Variants in IL1RAPL2 observed in about 807,000 individuals in gnomAD.
IL1RAPL2 encodes X-linked interleukin-1 receptor accessory protein-like 2.
In IL1RAPL2, 3 loss-of-function variants were observed where a neutral mutation model predicts 44.1. The ratio of observed to expected loss-of-function variants is 0.07; its 90% confidence interval spans 0.03 to 0.18. The LOEUF is 0.18. IL1RAPL2 is among the 10% of genes least tolerant of loss of function. The pLI is 1.00. For missense variants in IL1RAPL2, 391 were observed against 496.4 expected, an observed-to-expected ratio of 0.79 and a Z score of 2.02; for synonymous variants, 181 against 178.8, an observed-to-expected ratio of 1.01 and a Z score of -0.10.
chrX:104,647,228 G>T (rs1930058784), intron 1 of IL1RAPL2: 2 of 353,939 alleles, frequency 5.7e-6, no homozygotes, highest in South Asian at 3.1e-5. Context: ...GAGGCAGGTA[G>T]GTGATGTTCT....
Position 104,829,933 on chromosome X carries a change from A to G in IL1RAPL2, c.82+170938A>G, listed in dbSNP as rs187662742. 9.7e-3 allele frequency among the ~76,000 whole-genome samples: 1,083 copies of G among 111,768 alleles called. 5 individuals carry two copies. The highest frequency in any genetic ancestry group is 0.016 in the Non-Finnish European group (836 of 53,128). ...GTTATTACTGATTTAGAGATGGAAA[A>G]ACTGAACCTCACACAGGTTAAGGAA... On this transcript the variant is annotated intron_variant, in intron 2 of 10. Transcript: ENST00000372582.
At chrX:105,090,272 G>A (rs1310077125) in intron 2 of IL1RAPL2, among the ~76,000 whole-genome samples, 1 of 111,514 alleles carries the variant, frequency 9.0e-6, no homozygotes, top group Non-Finnish European at 1.9e-5. Context: ...AAGTCCCACA[G>A]TCACTGCTCT....
chrX:105,672,939 G>A (rs1335760558), intron 6 of IL1RAPL2, among the ~76,000 whole-genome samples: 5 of 111,147 alleles, frequency 4.5e-5, no homozygotes, highest in Non-Finnish European at 7.5e-5. Context: ...GGCTTGTTCA[G>A]TAACAAGTCT....
intron 6 of IL1RAPL2, among the ~76,000 whole-genome samples, chrX:105,624,658 G>GTAA (rs1569459554): frequency 9.0e-6 from 1 of 111,309 alleles, no homozygotes; most frequent in Non-Finnish European, 1.9e-5. Flanking sequence ...AGTAGGGTTG[G>GTAA]TAATTATTAT....
intron 2 of IL1RAPL2, among the ~76,000 whole-genome samples, chrX:104,753,613 C>G (rs912822673): frequency 1.8e-5 from 2 of 111,373 alleles, no homozygotes; most frequent in African/African-American, 6.5e-5. Flanking sequence ...AATTTAAGGG[C>G]AGTAGTTTGA....
At chrX:105,613,199 GACA>G (rs2037349259) in intron 6 of IL1RAPL2, among the ~76,000 whole-genome samples, 2 of 111,455 alleles carry the variant, frequency 1.8e-5, no homozygotes, top group African/African-American at 6.5e-5. Context: ...ATCTCTCCTG[GACA>G]ACATTTCTAG....
chrX:104,927,826 T>A (rs751868601), intron 2 of IL1RAPL2, among the ~76,000 whole-genome samples: 1 of 111,706 alleles, frequency 9.0e-6, no homozygotes, highest in South Asian at 3.7e-4. Flanking sequence ...TATTACCTTT[T>A]TAGGAAACAT....
At chrX:104,720,935 A>G (rs1181868470) in intron 2 of IL1RAPL2, among the ~76,000 whole-genome samples, 1 of 111,419 alleles carries the variant, frequency 9.0e-6, no homozygotes, top group Non-Finnish European at 1.9e-5. Flanking sequence ...AAAAGTCTCA[A>G]CATAACTGAT....
chrX:105,023,321 A>G (rs959116493), intron 2 of IL1RAPL2, among the ~76,000 whole-genome samples: 5 of 111,242 alleles, frequency 4.5e-5, no homozygotes, highest in Admixed American at 9.6e-5. Flanking sequence ...TATTTTGGCC[A>G]AAGGTCTTAT....
chrX:105,050,014 A>C (rs1301008682), intron 2 of IL1RAPL2, among the ~76,000 whole-genome samples: 4 of 112,228 alleles, frequency 3.6e-5, no homozygotes. Flanking sequence ...CTAAAAATGC[A>C]ACACAGACTG....
At chrX:104,802,628 T>C (rs1339601481) in intron 2 of IL1RAPL2, among the ~76,000 whole-genome samples, 4 of 112,117 alleles carry the variant, frequency 3.6e-5, no homozygotes, top group Non-Finnish European at 7.5e-5. Context: ...CAGCAGTATT[T>C]TTCTATGTTT....
chrX:104,566,719 G>T lies in IL1RAPL2; in HGVS notation c.-352G>T, dbSNP rs1350987375. 8.8e-6 allele frequency: 1 copy of T among 113,119 alleles called. No homozygotes were observed. Among genetic ancestry groups the T allele is most frequent in the South Asian group, 3.6e-4 (1 of 2,752 alleles). 9.3% of individuals were successfully genotyped at this position (113,119 alleles called of 1,213,427 possible). On this transcript the variant is annotated 5_prime_UTR_variant, in exon 1 of 11. Transcript: ENST00000372582. ...GGCAGCATCTGCCATTCTAACTACG[G>T]AGCTGAGTAATTTAGAAACCCTCCT...
intron 6 of IL1RAPL2, among the ~76,000 whole-genome samples, chrX:105,648,905 G>T (rs2037624997): frequency 9.0e-6 from 1 of 111,312 alleles, no homozygotes; most frequent in Non-Finnish European, 1.9e-5. Context: ...TGGTCGCAGA[G>T]CCCTAGGCTG....
intron 2 of IL1RAPL2, among the ~76,000 whole-genome samples, chrX:105,191,973 C>T (rs1348761622): frequency 9.0e-6 from 1 of 111,661 alleles, no homozygotes; most frequent in Non-Finnish European, 1.9e-5. Context: ...CTGCAAGGAG[C>T]TTGCTTAAAT....
chrX:104,585,351 ATT>A (rs1374147613), intron 1 of IL1RAPL2, among the ~76,000 whole-genome samples: 10 of 12,716 alleles, frequency 7.9e-4, no homozygotes, highest in Non-Finnish European at 1.0e-3. Context: ...TATTATATAT[ATT>A]ATATATATTA....
Position 105,685,521 on chromosome X carries a change from G to A in IL1RAPL2, c.773-31846G>A, listed in dbSNP as rs573160498. On this transcript the variant is annotated intron_variant, in intron 6 of 10. Transcript: ENST00000372582. ...TTAGAGAAAAAGAGTAAAAAGAAATGAACAAAACCTCCAAGAAATATGGAT... is the reference window on the plus strand; with the variant it reads ...TTAGAGAAAAAGAGTAAAAAGAAATAAACAAAACCTCCAAGAAATATGGAT... 1.1e-4 allele frequency among the ~76,000 whole-genome samples: 12 copies of A among 111,514 alleles called. No individual in the cohort carries two copies. In the South Asian group the frequency reaches 4.5e-3, roughly 42 times the overall value.
At chrX:105,383,887 A>G (rs2035456171) in intron 5 of IL1RAPL2, among the ~76,000 whole-genome samples, 1 of 111,326 alleles carries the variant, frequency 9.0e-6, no homozygotes. Context: ...TCATATACCC[A>G]CTGGCCATTT....
chrX:105,184,104 C>T (rs782090506), intron 2 of IL1RAPL2, among the ~76,000 whole-genome samples: 3 of 111,810 alleles, frequency 2.7e-5, no homozygotes, highest in African/African-American at 9.8e-5. Flanking sequence ...ACCCTTCCCC[C>T]ACATTGGAGA....
intron 2 of IL1RAPL2, among the ~76,000 whole-genome samples, chrX:104,950,818 C>G (rs773531671): frequency 9.0e-6 from 1 of 111,228 alleles, no homozygotes. Flanking sequence ...CGTCATTCTC[C>G]TGCCTCAGCC....
Sources: gnomAD v4.1 joint callset for allele counts (sites outside exome capture counted in the v4.1 genomes callset) on GRCh38, gnomAD v4.1.1 for gene constraint, MANE v1.5 for transcripts, NCBI Gene and HGNC (gene_info 2026-07-23, HGNC 2026-07-21) for gene names.